PRKG1: variants seen among roughly 807,000 people sequenced by gnomAD.
The protein encoded by PRKG1 is cGMP-dependent protein kinase 1.
A neutral mutation model predicts 88.1 loss-of-function variants in PRKG1; 35 were observed. The ratio of observed to expected loss-of-function variants is 0.40; its 90% CI spans 0.30 to 0.53. PRKG1 has a LOEUF of 0.53. Ranked by LOEUF, PRKG1 falls within the 20% of genes least tolerant of loss-of-function variation. The pLI is 0.59. For synonymous variants in PRKG1, 303 were observed against 292.5 expected, an observed-to-expected ratio of 1.04 and a Z score of -0.37; for missense variants, 540 against 839.8, an observed-to-expected ratio of 0.64 and a Z score of 4.41.
At chr10:51,597,198 A>G (rs1838473879) in intron 3 of PRKG1, among the ~76,000 whole-genome samples, 1 of 151,936 alleles carries the variant, frequency 6.6e-6, no homozygotes, top group Admixed American at 6.6e-5. Flanking sequence ...CTGTAATTTC[A>G]TCGGTAATAA....
chr10:52,072,242 C>T (rs574496755), intron 7 of PRKG1, among the ~76,000 whole-genome samples: 141 of 126,890 alleles, frequency 1.1e-3, no homozygotes, highest in Admixed American at 1.6e-3. Context: ...AGATTATTCT[C>T]GTGAGGATTA....
intron 5 of PRKG1, among the ~76,000 whole-genome samples, chr10:52,043,257 T>C (rs1338672111): frequency 5.3e-5 from 8 of 152,136 alleles, no homozygotes; most frequent in Admixed American, 2.0e-4. Flanking sequence ...ATTGAAGTGA[T>C]ATCTGGACTT....
At chr10:51,274,139 A>T (rs74133554) in intron 2 of PRKG1, among the ~76,000 whole-genome samples, 9,601 of 151,890 alleles carry the variant, frequency 0.063, 992 homozygotes, top group African/African-American at 0.22. Context: ...TGGTGTCATA[A>T]TTTTTTTTCT....
chr10:51,875,446 G>A (rs1463933426), intron 4 of PRKG1, among the ~76,000 whole-genome samples: 2 of 151,950 alleles, frequency 1.3e-5, no homozygotes, highest in African/African-American at 4.8e-5. Flanking sequence ...TTGGTTGGTT[G>A]GCTGATTTTA....
At chr10:51,981,574 A>G (rs1412149141) in intron 5 of PRKG1, among the ~76,000 whole-genome samples, 1 of 152,150 alleles carries the variant, frequency 6.6e-6, no homozygotes, top group African/African-American at 2.4e-5. Context: ...TGACAGAACA[A>G]GACTCTGTCT....
intron 9 of PRKG1, among the ~76,000 whole-genome samples, chr10:52,227,952 C>T (rs1341050536): frequency 6.6e-6 from 1 of 152,158 alleles, no homozygotes; most frequent in Non-Finnish European, 1.5e-5. Flanking sequence ...AGATCTCTTT[C>T]CCTTTCCAGA....
At chr10:51,808,609 C>CA in intron 4 of PRKG1, among the ~76,000 whole-genome samples, 1 of 152,112 alleles carries the variant, frequency 6.6e-6, no homozygotes, top group Non-Finnish European at 1.5e-5. Flanking sequence ...TCTCAAAAAA[C>CA]AAAAACAGAA....
chr10:51,614,657 A>G (rs1838999114), intron 3 of PRKG1, among the ~76,000 whole-genome samples: 1 of 151,650 alleles, frequency 6.6e-6, no homozygotes, highest in African/African-American at 2.4e-5. Context: ...GGTTTACTGT[A>G]GTGGTGGTAT....
At chr10:51,441,128 T>G (rs1025207127) in intron 2 of PRKG1, among the ~76,000 whole-genome samples, 1 of 151,914 alleles carries the variant, frequency 6.6e-6, no homozygotes, top group African/African-American at 2.4e-5. Flanking sequence ...CACTTGTATG[T>G]TCTATTTTGG....
At chr10:51,140,025 G>T (rs1041985979) in intron 1 of PRKG1, among the ~76,000 whole-genome samples, 13 of 152,244 alleles carry the variant, frequency 8.5e-5, no homozygotes, top group African/African-American at 3.1e-4. Context: ...AAAGGATCTG[G>T]CTCACCAGCT....
chr10:51,546,512 G>A (rs1389098456), intron 3 of PRKG1, among the ~76,000 whole-genome samples: 2 of 151,902 alleles, frequency 1.3e-5, no homozygotes, highest in African/African-American at 4.8e-5. Context: ...AAATGTAATT[G>A]GTCTTTATTT....
At chr10:52,099,679 G>C (rs762678818) in intron 7 of PRKG1, among the ~76,000 whole-genome samples, 10 of 152,112 alleles carry the variant, frequency 6.6e-5, no homozygotes, top group Non-Finnish European at 1.5e-4. Flanking sequence ...AGTGATACAG[G>C]GTCATCTATA....
At chr10:52,076,329 G>A (rs1385821565) in intron 7 of PRKG1, among the ~76,000 whole-genome samples, 1 of 152,270 alleles carries the variant, frequency 6.6e-6, no homozygotes, top group Non-Finnish European at 1.5e-5. Flanking sequence ...GGCCGAGGCA[G>A]GCCAATCACT....
At chr10:52,092,068 A>T (rs985697146) in intron 7 of PRKG1, among the ~76,000 whole-genome samples, 1 of 152,154 alleles carries the variant, frequency 6.6e-6, no homozygotes, top group African/African-American at 2.4e-5. Context: ...ATGAGCACTT[A>T]GTATTTAACT....
intron 7 of PRKG1, among the ~76,000 whole-genome samples, chr10:52,103,344 C>T (rs935309942): frequency 2.0e-5 from 3 of 152,148 alleles, no homozygotes; most frequent in African/African-American, 7.2e-5. Flanking sequence ...CCTGCCTCCT[C>T]TTCTCCATCC....
chr10:51,276,046 T>G (rs1161209294), intron 2 of PRKG1, among the ~76,000 whole-genome samples: 1 of 152,086 alleles, frequency 6.6e-6, no homozygotes, highest in East Asian at 1.9e-4. Context: ...ACATGTGCCA[T>G]GTTGGTGTGC....
chr10:51,149,338 G>T (rs1443885212), intron 1 of PRKG1, among the ~76,000 whole-genome samples: 18 of 151,968 alleles, frequency 1.2e-4, no homozygotes, highest in Admixed American at 1.2e-3. Context: ...AAAACTAATG[G>T]GGGCCTATTT....
chr10:52,096,458 A>G (rs963972811), intron 7 of PRKG1, among the ~76,000 whole-genome samples: 1 of 152,152 alleles, frequency 6.6e-6, no homozygotes, highest in African/African-American at 2.4e-5. Context: ...GAAACAGGAA[A>G]CCAACTTGCT....
In PRKG1 at chr10:52,252,013, C is replaced by G. The variant is rs192727304; in HGVS notation, c.1173+347C>G. 7.5e-4 allele frequency: 124 copies of G among 165,356 alleles called. 1 individual carries two copies. The highest frequency in any genetic ancestry group is 1.2e-3 in the Non-Finnish European group (95 of 76,668). 10.2% of individuals were successfully genotyped at this position (165,356 alleles called of 1,614,324 possible). On this transcript the variant is annotated intron_variant, in intron 10 of 17. Coordinates refer to ENST00000373980, the MANE Select transcript of PRKG1 (RefSeq NM_006258.4). ...CTTAGTTCTGAGTGGTGCTTACTAA[C>G]AATTATGCACCCTAACAACAATTAC...
Sources: allele counts gnomAD v4.1 joint callset (sites outside exome capture counted in the v4.1 genomes callset), GRCh38; gene constraint gnomAD v4.1.1; transcripts MANE v1.5; gene names NCBI Gene and HGNC (gene_info 2026-07-23, HGNC 2026-07-21).